Variants in PTPRG observed in about 807,000 individuals in gnomAD.
The protein encoded by PTPRG is receptor-type tyrosine-protein phosphatase gamma.
A neutral mutation model predicts 165.3 loss-of-function variants in PTPRG; 102 were observed. The ratio of observed to expected loss-of-function variants is 0.62; its 90% CI spans 0.53 to 0.73. The LOEUF is 0.73. Among genes scored for constraint, PTPRG ranks in the 30% least tolerant of loss-of-function variants. PTPRG has a pLI of 0.00. For synonymous variants in PTPRG, 675 were observed against 669.5 expected, an observed-to-expected ratio of 1.01 and a Z score of -0.13; for missense variants, 1,866 against 1,861.4, an observed-to-expected ratio of 1.00 and a Z score of -0.05.
At chr3:62,074,180 A>AGT (rs140019903) in intron 4 of PTPRG, among the ~76,000 whole-genome samples, 9,704 of 142,748 alleles carry the variant, frequency 0.068, 372 homozygotes, top group East Asian at 0.23. Context: ...AAAAAGTGAG[A>AGT]GTGTGTGTGT....
intron 8 of PTPRG, among the ~76,000 whole-genome samples, chr3:62,169,342 A>C (rs1705127086): frequency 6.6e-6 from 1 of 152,168 alleles, no homozygotes; most frequent in Admixed American, 6.5e-5. Flanking sequence ...ACCCCCGGCA[A>C]GAACTCCCAT....
At chr3:62,152,977 T>C (rs2106685065) in intron 6 of PTPRG, among the ~76,000 whole-genome samples, 1 of 152,354 alleles carries the variant, frequency 6.6e-6, no homozygotes, top group East Asian at 1.9e-4. Flanking sequence ...AAGTGAAATG[T>C]TATTCCCCCA....
intron 1 of PTPRG, among the ~76,000 whole-genome samples, chr3:61,694,025 A>AGAGAGAGAG (rs1453401813): frequency 6.9e-6 from 1 of 145,940 alleles, no homozygotes; most frequent in African/African-American, 2.5e-5. Context: ...AAAAAAAAAA[A>AGAGAGAGAG]AGAGAGAGAG....
chr3:61,797,798 G>C (rs1317145451), intron 2 of PTPRG, among the ~76,000 whole-genome samples: 1 of 151,990 alleles, frequency 6.6e-6, no homozygotes, highest in Non-Finnish European at 1.5e-5. Context: ...AGACTTGACA[G>C]TGCCCTCAGT....
At chr3:61,726,969 C>A (rs911706186) in intron 1 of PTPRG, among the ~76,000 whole-genome samples, 1 of 151,828 alleles carries the variant, frequency 6.6e-6, no homozygotes, top group African/African-American at 2.4e-5. Context: ...ATGGCGTGAA[C>A]CCGGGAGGCG....
rs1258113592 is a variant in PTPRG at position 62,240,145 on chromosome 3, T to G, written c.2376-3662T>G. ...AGAGGATGCCAGTCTATATTTGTTA[T>G]CAAGGAGAGATGCATATAGAATGAT... is the stretch of plus-strand genomic sequence containing the variant. On this transcript the variant is annotated intron_variant, in intron 14 of 29. Transcript: ENST00000474889. The surrounding 1 kb of genome is among the most constrained non-coding windows in gnomAD (Gnocchi z 5.1). Among the ~76,000 whole-genome samples the G allele has an allele frequency of 3.9e-5, 6 of 152,180 alleles. No individual in the cohort carries two copies. The highest frequency in any genetic ancestry group is 7.3e-5 in the Non-Finnish European group (5 of 68,032).
intron 12 of PTPRG, among the ~76,000 whole-genome samples, chr3:62,206,643 C>T (rs1700236315): frequency 6.6e-6 from 1 of 152,032 alleles, no homozygotes; most frequent in Admixed American, 6.6e-5. Flanking sequence ...TAAAAATGAC[C>T]TCCAGATGGC....
intron 3 of PTPRG, among the ~76,000 whole-genome samples, chr3:62,001,402 T>C (rs2041169459): frequency 6.6e-6 from 1 of 152,142 alleles, no homozygotes; most frequent in Non-Finnish European, 1.5e-5. Flanking sequence ...ATTCCCTGGG[T>C]GTATTGTAAC....
intron 2 of PTPRG, among the ~76,000 whole-genome samples, chr3:61,938,758 A>G (rs530197372): frequency 2.0e-5 from 3 of 152,338 alleles, no homozygotes; most frequent in African/African-American, 7.2e-5. Context: ...GAAAATTTTC[A>G]TTATAGTTGT....
chr3:62,205,492 C>A (rs1336888230), intron 12 of PTPRG, among the ~76,000 whole-genome samples: 1 of 152,102 alleles, frequency 6.6e-6, no homozygotes, highest in African/African-American at 2.4e-5. Context: ...CAAATACATA[C>A]CCTTAAGTAG....
At position 62,243,898 on chromosome 3, in the gene PTPRG, G is replaced by A. The variant is rs1375915929; in HGVS notation, c.2467G>A (p.Asp823Asn). 4.6e-6 allele frequency: 7 copies of A among 1,506,416 alleles called. No homozygotes were observed. Among genetic ancestry groups the A allele is most frequent in the South Asian group, 2.3e-5 (2 of 86,984 alleles). 93.3% of individuals were successfully genotyped at this position (1,506,416 alleles called of 1,614,324 possible). ...NESIPIIPIP[D>N]DMEAIPVKQF... ...AAGTATCCCTATTATTCCTATTCCGGGTAAGTAAGACACTGCTCTTATTTC... is the reference window on the plus strand; with the variant it reads ...AAGTATCCCTATTATTCCTATTCCGAGTAAGTAAGACACTGCTCTTATTTC... The change falls in exon 15 of 30, where the codon GAT becomes AAT. Residue 823 changes from aspartate (D) to asparagine (N), a missense_variant and splice_region_variant. Physicochemically the swap from Asp to Asn is conservative, Grantham distance 23. Transcript: ENST00000474889.
chr3:62,267,945 T>A, intron 19 of PTPRG, 126 bp downstream of exon 19: 1 of 1,051,948 alleles, frequency 9.5e-7, no homozygotes, highest in Non-Finnish European at 1.4e-6. Flanking sequence ...GTGTTCTCTC[T>A]GCTTTATCTT....
chr3:62,024,034 G>C (rs1265146689), intron 4 of PTPRG, among the ~76,000 whole-genome samples: 2 of 152,122 alleles, frequency 1.3e-5, no homozygotes, highest in Non-Finnish European at 2.9e-5. Flanking sequence ...GTCATTATTG[G>C]AAAGACAAGT....
At chr3:62,021,391 C>T (rs1228641912) in intron 4 of PTPRG, among the ~76,000 whole-genome samples, 2 of 152,160 alleles carry the variant, frequency 1.3e-5, no homozygotes, top group African/African-American at 2.4e-5. Context: ...TGCTATTTGA[C>T]TGGTTGACAT....
intron 12 of PTPRG, among the ~76,000 whole-genome samples, chr3:62,207,680 A>T (rs1341671647): frequency 2.6e-5 from 4 of 152,208 alleles, no homozygotes; most frequent in African/African-American, 9.7e-5. Flanking sequence ...ATCTCCAAAC[A>T]GCTTGTTTAA....
intron 4 of PTPRG, among the ~76,000 whole-genome samples, chr3:62,037,809 C>G (rs1174341178): frequency 1.3e-5 from 2 of 152,150 alleles, no homozygotes; most frequent in Admixed American, 6.5e-5. Flanking sequence ...TTGTGCATTC[C>G]TGGGGAGACA....
chr3:61,887,119 C>CATAT (rs747225310), intron 2 of PTPRG, among the ~76,000 whole-genome samples: 1 of 103,376 alleles, frequency 9.7e-6, no homozygotes, highest in Non-Finnish European at 1.8e-5. Flanking sequence ...ATAACCATAG[C>CATAT]ATGCATATAT....
chr3:61,725,927 C>T (rs2032238388), intron 1 of PTPRG, among the ~76,000 whole-genome samples: 1 of 152,138 alleles, frequency 6.6e-6, no homozygotes, highest in Admixed American at 6.5e-5. Flanking sequence ...GTTCTCTGAT[C>T]CTTCGGTCCT....
At position 61,645,880 on chromosome 3, in the gene PTPRG, C is replaced by G. The variant is rs187292512; in HGVS notation, c.85+83508C>G. 2.2e-4 allele frequency among the ~76,000 whole-genome samples: 34 copies of G among 152,260 alleles called. No homozygotes were observed. The East Asian group carries it at 6.2e-3, about 28-fold the overall frequency. On this transcript the variant is annotated intron_variant, in intron 1 of 29. Coordinates refer to ENST00000474889, the MANE Select transcript of PTPRG (RefSeq NM_002841.4). The stretch of plus-strand genomic sequence containing the variant: ...CCAGTGATCCTGGGAGCTGAGCTAC[C>G]CAAAACTTTCAGTAAATTCTGTTTC...
Sources: gnomAD v4.1 joint callset for allele counts (sites outside exome capture counted in the v4.1 genomes callset) on GRCh38, gnomAD v4.1.1 for gene constraint, Gnocchi (gnomAD v3.1) non-coding constraint, MANE v1.5 for transcripts, NCBI Gene and HGNC (gene_info 2026-07-23, HGNC 2026-07-21) for gene names.